Variants in SNTG1 observed in about 807,000 individuals in gnomAD.
SNTG1 encodes the protein gamma-1-syntrophin.
SNTG1 carries 39 observed loss-of-function variants against 74.7 expected under a neutral mutation model. The observed-to-expected ratio is 0.52, with a 90% CI of 0.40 to 0.68. The LOEUF (loss-of-function observed/expected upper bound fraction) is 0.68. Ranked by LOEUF, SNTG1 falls within the 30% of genes least tolerant of loss-of-function variation. The pLI is 0.00. For synonymous variants in SNTG1, 254 were observed against 217.1 expected, an observed-to-expected ratio of 1.17 and a Z score of -1.49; for missense variants, 685 against 609.5, an observed-to-expected ratio of 1.12 and a Z score of -1.30.
At chr8:50,222,108 G>A (rs574609067) in intron 2 of SNTG1, among the ~76,000 whole-genome samples, 1 of 152,262 alleles carries the variant, frequency 6.6e-6, no homozygotes, top group East Asian at 1.9e-4. Context: ...GCAAAAGCCT[G>A]CAAAAGCCAG....
chr8:50,732,128 A>T (rs1217438142), intron 17 of SNTG1, among the ~76,000 whole-genome samples: 6 of 152,000 alleles, frequency 3.9e-5, no homozygotes, highest in African/African-American at 7.2e-5. Flanking sequence ...TTATAGCCAG[A>T]GGAACTTTAT....
intron 12 of SNTG1, among the ~76,000 whole-genome samples, chr8:50,585,361 G>A (rs1004697612): frequency 5.9e-5 from 9 of 152,082 alleles, no homozygotes; most frequent in African/African-American, 1.9e-4. Context: ...AAAAGCAGCC[G>A]GTTTTGTGAT....
At chr8:50,612,520 T>C (rs1395522418) in intron 13 of SNTG1, among the ~76,000 whole-genome samples, 1 of 152,230 alleles carries the variant, frequency 6.6e-6, no homozygotes, top group African/African-American at 2.4e-5. Context: ...TTAGACTATA[T>C]ATTAGAAAAG....
At chr8:50,663,234 GGTTGGT>G (rs1326547219) in intron 15 of SNTG1, among the ~76,000 whole-genome samples, 1 of 152,164 alleles carries the variant, frequency 6.6e-6, no homozygotes, top group African/African-American at 2.4e-5. Flanking sequence ...TTGGGTATGA[GGTTGGT>G]GTTGGTGTTT....
rs962862818 is a variant in SNTG1 at position 50,587,831 on chromosome 8, T to G, written c.811-3048T>G. On this transcript the variant is annotated intron_variant, in intron 12 of 18. Coordinates refer to ENST00000642720, the MANE Select transcript of SNTG1 (RefSeq NM_018967.5). Reference sequence around the variant, plus strand: ...AAAGAAAAGAAAAAGAAAAAAAAATTTAGCGGCTCATGGCTCATGCCTGTA... The same window carrying G: ...AAAGAAAAGAAAAAGAAAAAAAAATGTAGCGGCTCATGGCTCATGCCTGTA... Among the ~76,000 whole-genome samples the G allele has an allele frequency of 1.4e-5, 2 of 142,174 alleles. 1 individual carries two copies. Among genetic ancestry groups the G allele is most frequent in the Middle Eastern group, 9.0e-3 (2 of 222 alleles). The allele number at this position is 142,174 out of a possible 152,430, so 93.3% of individuals were successfully genotyped here.
At chr8:50,346,217 A>G (rs190676991) in intron 2 of SNTG1, among the ~76,000 whole-genome samples, 162 of 152,316 alleles carry the variant, frequency 1.1e-3, no homozygotes, top group African/African-American at 3.5e-3. Context: ...AATCAACACC[A>G]TTTTCCCAAC....
At chr8:50,403,156 G>T (rs766747650) in intron 4 of SNTG1, among the ~76,000 whole-genome samples, 7 of 152,162 alleles carry the variant, frequency 4.6e-5, no homozygotes, top group Non-Finnish European at 8.8e-5. Flanking sequence ...CATGTAGTCT[G>T]CTCCCTGCTT....
At chr8:50,139,524 T>C (rs1379000424) in intron 1 of SNTG1, among the ~76,000 whole-genome samples, 2 of 152,162 alleles carry the variant, frequency 1.3e-5, no homozygotes, top group South Asian at 4.1e-4. Context: ...TCTGCCAACA[T>C]TCAACTTAGT....
intron 1 of SNTG1, among the ~76,000 whole-genome samples, chr8:50,077,870 T>C (rs1209279583): frequency 1.3e-5 from 2 of 152,198 alleles, no homozygotes; most frequent in Admixed American, 1.3e-4. Flanking sequence ...TTTAAAGTTT[T>C]ATAGTTCCAA....
At chr8:50,389,069 G>A (rs973466042) in intron 2 of SNTG1, among the ~76,000 whole-genome samples, 2 of 152,142 alleles carry the variant, frequency 1.3e-5, no homozygotes, top group Non-Finnish European at 2.9e-5. Context: ...TGGGGAAACT[G>A]TTCTCGTGCA....
intron 1 of SNTG1, among the ~76,000 whole-genome samples, chr8:49,962,789 C>T (rs1253530548): frequency 1.3e-5 from 2 of 152,204 alleles, no homozygotes; most frequent in Non-Finnish European, 2.9e-5. Context: ...AATGGAATTT[C>T]ACCATGCTGG....
At chr8:50,174,966 G>T (rs1297942585) in intron 2 of SNTG1, among the ~76,000 whole-genome samples, 4 of 149,800 alleles carry the variant, frequency 2.7e-5, no homozygotes, top group South Asian at 2.1e-4. Flanking sequence ...GCGGTGTTTG[G>T]TTTTTTTGTC....
At chr8:50,281,824 C>A (rs763587414) in intron 2 of SNTG1, among the ~76,000 whole-genome samples, 42 of 152,076 alleles carry the variant, frequency 2.8e-4, no homozygotes, top group Non-Finnish European at 4.7e-4. Context: ...GCAAGAGTAG[C>A]AATTGAACGT....
Position 50,661,657 on chromosome 8 carries a change from G to T in SNTG1, c.1038+2994G>T, listed in dbSNP as rs139001159. Among the ~76,000 whole-genome samples the T allele has an allele frequency of 2.1e-4, 32 of 152,066 alleles. 1 individual carries two copies. The highest frequency in any genetic ancestry group is 7.0e-4 in the African/African-American group (29 of 41,472). On this transcript the variant is annotated intron_variant, in intron 15 of 18. Transcript: ENST00000642720. ...TATCCACCCATCATCTAGGTTTTAG[G>T]CCCTGCATGTATTAGGTATTTGTCC...
At chr8:49,911,143 A>G (rs1288999308), upstream of SNTG1, 4 of 152,200 alleles carry the variant, frequency 2.6e-5, no homozygotes, top group Non-Finnish European at 5.9e-5. Flanking sequence ...TGGAGGGTCT[A>G]AGAATCTTCA....
intron 2 of SNTG1, among the ~76,000 whole-genome samples, chr8:50,256,337 T>C (rs2086880796): frequency 1.3e-5 from 2 of 152,060 alleles, no homozygotes; most frequent in African/African-American, 2.4e-5. Flanking sequence ...AGACTAGTCA[T>C]TATACTAAAC....
At chr8:49,983,116 A>G (rs1812834561) in intron 1 of SNTG1, among the ~76,000 whole-genome samples, 1 of 152,212 alleles carries the variant, frequency 6.6e-6, no homozygotes, top group African/African-American at 2.4e-5. Context: ...CATGGACCGT[A>G]AAACCTCAAG....
chr8:50,587,209 T>C (rs1222323064), intron 12 of SNTG1, among the ~76,000 whole-genome samples: 1 of 151,644 alleles, frequency 6.6e-6, no homozygotes, highest in East Asian at 1.9e-4. Context: ...CATACATATA[T>C]GTATATACAT....
intron 15 of SNTG1, among the ~76,000 whole-genome samples, chr8:50,692,333 TA>T (rs1202876541): frequency 6.6e-6 from 1 of 152,228 alleles, no homozygotes; most frequent in Non-Finnish European, 1.5e-5. Context: ...CTCTGATTTT[TA>T]GGGTTTCCAG....
Sources: allele counts gnomAD v4.1 joint callset (sites outside exome capture counted in the v4.1 genomes callset), GRCh38; gene constraint gnomAD v4.1.1; transcripts MANE v1.5; gene names NCBI Gene and HGNC (gene_info 2026-07-23, HGNC 2026-07-21).